PYROXD1: variants seen among roughly 807,000 people sequenced by gnomAD.
PYROXD1 encodes pyridine nucleotide-disulphide oxidoreductase domain 1, also known as tRNA ligase complex-associated NAD(P)H dehydrogenase PYROXD1.
A neutral mutation model predicts 62.0 loss-of-function variants in PYROXD1; 42 were observed. The observed-to-expected ratio is 0.68, with a 90% CI of 0.53 to 0.88. PYROXD1 has a LOEUF of 0.88. Among genes scored for constraint, PYROXD1 ranks in the 40% least tolerant of loss-of-function variants. The pLI is 0.00. For missense variants in PYROXD1, 493 were observed against 604.8 expected (o/e 0.82, Z 1.94); for synonymous variants, 170 against 206.4 (o/e 0.82, Z 1.51).
chr12:21,453,453 A>C (rs919413096), intron 5 of PYROXD1, among the ~76,000 whole-genome samples: 2 of 152,092 alleles, frequency 1.3e-5, no homozygotes, highest in Non-Finnish European at 2.9e-5. Context: ...TGTTTCAGTG[A>C]AACTAATACT....
In PYROXD1 at chr12:21,470,130, T is replaced by G; in HGVS notation, c.*1376T>G. 1.3e-6 allele frequency: 2 copies of G among 1,564,230 alleles called. No homozygotes were observed. Among genetic ancestry groups the G allele is most frequent in the Non-Finnish European group, 1.7e-6 (2 of 1,153,472 alleles). On this transcript the variant is annotated 3_prime_UTR_variant, in exon 12 of 12. Transcript: ENST00000240651. ...ATTCTTTTAAAAACTATTGTCTAACTACAAAAATAATGGCATATACATGCA... is the reference window on the plus strand; with the variant it reads ...ATTCTTTTAAAAACTATTGTCTAACGACAAAAATAATGGCATATACATGCA...
chr12:21,451,192 G>GA (rs1358583982), intron 4 of PYROXD1, among the ~76,000 whole-genome samples: 1 of 150,978 alleles, frequency 6.6e-6, no homozygotes, highest in Non-Finnish European at 1.5e-5. Context: ...CTATACTTCT[G>GA]AAAGTGCCCA....
intron 11 of PYROXD1, among the ~76,000 whole-genome samples, chr12:21,468,297 A>C (rs1242669036): frequency 1.3e-5 from 2 of 152,080 alleles, no homozygotes; most frequent in Non-Finnish European, 2.9e-5. Context: ...GAATTTTTTA[A>C]TGTCAGTGTA....
At chr12:21,457,747 A>G (rs889008654) in intron 7 of PYROXD1, among the ~76,000 whole-genome samples, 3 of 147,914 alleles carry the variant, frequency 2.0e-5, no homozygotes, top group South Asian at 2.2e-4. Context: ...ACCAGATCTC[A>G]TGAGAACTCT....
intron 10 of PYROXD1, among the ~76,000 whole-genome samples, chr12:21,466,845 T>C (rs912105088): frequency 1.3e-5 from 2 of 152,198 alleles, no homozygotes; most frequent in Admixed American, 1.3e-4. Flanking sequence ...CAATACCTTA[T>C]TGAGAGTTTT....
rs549280562 is a variant in PYROXD1, at chr12:21,469,453, T to G, written c.*699T>G. 8 of 151,702 alleles carry G rather than the reference T, an allele frequency of 5.3e-5. No individual in the cohort carries two copies. The highest frequency in any genetic ancestry group is 1.9e-4 in the African/African-American group (8 of 41,372). 9.4% of individuals were successfully genotyped at this position (151,702 alleles called of 1,614,324 possible). A position where few individuals can be genotyped will look rare whatever the true frequency, so the allele number is the denominator to read the frequency against. ...CGGCCCAAGACAATTCTTCTTCCAA[T>G]GTGGCTCAGGGAAGCCAAAAGATTG... is the stretch of plus-strand genomic sequence containing the variant. On this transcript the variant is annotated 3_prime_UTR_variant, in exon 12 of 12. Transcript: ENST00000240651.
rs1942931356 is a variant in PYROXD1, at chr12:21,470,796, C to G, written c.*2042C>G. The stretch of plus-strand genomic sequence containing the variant: ...GTTAAAAGGCCAGTCTAAATTCTTT[C>G]ACTTACATCTTTACAGAAAACTATA... On this transcript the variant is annotated 3_prime_UTR_variant, in exon 12 of 12. Coordinates refer to ENST00000240651, the MANE Select transcript of PYROXD1 (RefSeq NM_024854.5). 2.3e-6 allele frequency: 1 copy of G among 437,702 alleles called. No individual in the cohort carries two copies. Among genetic ancestry groups the G allele is most frequent in the African/African-American group, 2.1e-5 (1 of 48,726 alleles). 27.1% of individuals were successfully genotyped at this position (437,702 alleles called of 1,614,324 possible). A position where few individuals can be genotyped will look rare whatever the true frequency, so the allele number is the denominator to read the frequency against.
rs542035634 is a variant in PYROXD1, at chr12:21,450,800, G to A, written c.414+1109G>A. 2.6e-5 allele frequency among the ~76,000 whole-genome samples: 4 copies of A among 152,276 alleles called. No individual in the cohort carries two copies. In the South Asian group the frequency reaches 8.3e-4, roughly 32 times the overall value. ...TTAAGTTCATATTATCAGAGATTGA[G>A]CTCATAACTGTTTTAGCTCGGTCCT... is the stretch of plus-strand genomic sequence containing the variant. On this transcript the variant is annotated intron_variant, in intron 4 of 11. Coordinates refer to ENST00000240651, the MANE Select transcript of PYROXD1 (RefSeq NM_024854.5).
At chr12:21,462,311 C>G (rs1942712943) in intron 9 of PYROXD1, among the ~76,000 whole-genome samples, 191 bp downstream of exon 9, 3 of 152,094 alleles carry the variant, frequency 2.0e-5, no homozygotes, top group African/African-American at 7.2e-5. Flanking sequence ...ATAGTTATAT[C>G]CTTGCATAAG....
chr12:21,461,624 A>T (rs1372905776), intron 8 of PYROXD1, among the ~76,000 whole-genome samples: 1 of 152,196 alleles, frequency 6.6e-6, no homozygotes, highest in African/African-American at 2.4e-5. Flanking sequence ...TCCATAGGAA[A>T]GGGGAATTTG....
intron 2 of PYROXD1, among the ~76,000 whole-genome samples, chr12:21,444,155 G>A (rs976779797): frequency 3.3e-5 from 5 of 152,148 alleles, no homozygotes; most frequent in Non-Finnish European, 5.9e-5. Flanking sequence ...AGCCTTGGAA[G>A]ATCTCTGTAA....
rs1164395127 is a variant in PYROXD1 at position 21,467,520 on chromosome 12, G to C, written c.1156G>C (p.Ala386Pro). Residue 386 changes from alanine (A) to proline (P), a missense_variant, in exon 11 of 12, where the codon GCA (alanine) becomes CCA (proline). By Grantham distance (27) the Ala-to-Pro change is conservative. Coordinates refer to ENST00000240651, the MANE Select transcript of PYROXD1 (RefSeq NM_024854.5). The part of the protein sequence containing the change: ...WTQARQMGWY[A>P]AKCMAAASSG... ...CCAGGCTAGACAGATGGGATGGTATGCAGCAAAGTGCATGGCTGCAGCGAG... is the reference window on the plus strand; with the variant it reads ...CCAGGCTAGACAGATGGGATGGTATCCAGCAAAGTGCATGGCTGCAGCGAG... 1 of 1,611,606 alleles carries C rather than the reference G, an allele frequency of 6.2e-7. No homozygotes were observed. Among genetic ancestry groups the C allele is most frequent in the African/African-American group, 1.3e-5 (1 of 74,752 alleles).
At chr12:21,461,220 C>T (rs949317134) in intron 8 of PYROXD1, 66 bp downstream of exon 8, 3 of 957,438 alleles carry the variant, frequency 3.1e-6, no homozygotes, top group African/African-American at 1.7e-5. Context: ...TTTAATCCTG[C>T]TGTGTTCTAT....
chr12:21,439,414 A>G (rs917364556), intron 1 of PYROXD1, among the ~76,000 whole-genome samples: 1 of 152,194 alleles, frequency 6.6e-6, no homozygotes, highest in Non-Finnish European at 1.5e-5. Flanking sequence ...GAGGAAAGAA[A>G]GATGGAGAGA....
At chr12:21,448,938 A>AC (rs1942441672) in intron 3 of PYROXD1, among the ~76,000 whole-genome samples, 1 of 152,198 alleles carries the variant, frequency 6.6e-6, no homozygotes, top group South Asian at 2.1e-4. Flanking sequence ...ACTAAAATAT[A>AC]CCCCAAAAGC....
chr12:21,443,728 A>G (rs567601483), intron 2 of PYROXD1, among the ~76,000 whole-genome samples: 2 of 152,284 alleles, frequency 1.3e-5, no homozygotes, highest in African/African-American at 4.8e-5. Context: ...TTCATTTAAT[A>G]CGATGTCTCT....
intron 2 of PYROXD1, among the ~76,000 whole-genome samples, chr12:21,442,972 G>T (rs1942323973): frequency 6.6e-6 from 1 of 151,988 alleles, no homozygotes; most frequent in Non-Finnish European, 1.5e-5. Flanking sequence ...ATGGGCCGTT[G>T]AGCCCTCTTT....
intron 10 of PYROXD1, among the ~76,000 whole-genome samples, chr12:21,466,867 G>T (rs1211541092): frequency 6.6e-6 from 1 of 152,090 alleles, no homozygotes; most frequent in Non-Finnish European, 1.5e-5. Context: ...AGCATGAAGG[G>T]TTGTTGAATT....
At chr12:21,438,190 G>A (rs1942229314) in intron 1 of PYROXD1, 1 of 178,494 alleles carries the variant, frequency 5.6e-6, no homozygotes, top group East Asian at 1.6e-4. Context: ...GCCCAGACTG[G>A]AGGGCAGTGG....
Sources: gnomAD v4.1 joint callset for allele counts (sites outside exome capture counted in the v4.1 genomes callset) on GRCh38, gnomAD v4.1.1 for gene constraint, MANE v1.5 for transcripts, NCBI Gene and HGNC (gene_info 2026-07-23, HGNC 2026-07-21) for gene names.